The following OPCML variants were observed in gnomAD, a reference collection of about 807,000 sequenced individuals.
OPCML encodes the protein opioid binding protein/cell adhesion molecule like, also known as opioid-binding protein/cell adhesion molecule.
In OPCML, 13 loss-of-function variants were observed where a neutral mutation model predicts 37.8. That is an observed-to-expected ratio of 0.34 (90% CI 0.22 to 0.55). The LOEUF is 0.55. Ranked by LOEUF, OPCML falls within the 20% of genes least tolerant of loss-of-function variation. OPCML has a pLI of 0.91. For missense variants in OPCML, 341 were observed against 435.6 expected (o/e 0.78, Z 1.93); for synonymous variants, 176 against 168.8 (o/e 1.04, Z -0.33).
At chr11:133,253,262 T>C (rs1000377419) in intron 1 of OPCML, among the ~76,000 whole-genome samples, 1 of 152,108 alleles carries the variant, frequency 6.6e-6, no homozygotes, top group Non-Finnish European at 1.5e-5. Flanking sequence ...TGATGAGTAC[T>C]CTTTTGGGGT....
chr11:132,899,319 T>C (rs1184621247), intron 2 of OPCML, among the ~76,000 whole-genome samples: 2 of 152,244 alleles, frequency 1.3e-5, no homozygotes, highest in East Asian at 1.9e-4. Flanking sequence ...GTTATAAATA[T>C]GTTAAGCAAA....
chr11:133,246,387 A>G (rs573259897), intron 1 of OPCML, among the ~76,000 whole-genome samples: 1 of 152,342 alleles, frequency 6.6e-6, no homozygotes, highest in Admixed American at 6.5e-5. Flanking sequence ...GGAAAAGCAA[A>G]GGAGAGCATG....
At chr11:133,459,549 T>C (rs1328405822) in intron 1 of OPCML, among the ~76,000 whole-genome samples, 1 of 152,002 alleles carries the variant, frequency 6.6e-6, no homozygotes, top group African/African-American at 2.4e-5. Flanking sequence ...ATGCAAATAG[T>C]AACCAAAACA....
At chr11:133,228,060 G>A (rs78104701) in intron 1 of OPCML, among the ~76,000 whole-genome samples, 1 of 152,142 alleles carries the variant, frequency 6.6e-6, no homozygotes, top group East Asian at 1.9e-4. Flanking sequence ...CATCTTTATT[G>A]GGAGACCTTT....
intron 2 of OPCML, among the ~76,000 whole-genome samples, chr11:132,663,279 A>C (rs1380921920): frequency 6.6e-6 from 1 of 152,204 alleles, no homozygotes; most frequent in African/African-American, 2.4e-5. Flanking sequence ...TAGTGATAAA[A>C]GGTGTAAGAC....
intron 1 of OPCML, among the ~76,000 whole-genome samples, chr11:133,155,309 A>G (rs1398664689): frequency 6.6e-6 from 1 of 152,052 alleles, no homozygotes; most frequent in Non-Finnish European, 1.5e-5. Context: ...CATTCCGTCT[A>G]TCATCTGCCT....
intron 1 of OPCML, among the ~76,000 whole-genome samples, chr11:133,184,739 T>G (rs1026314904): frequency 6.6e-6 from 1 of 152,224 alleles, no homozygotes; most frequent in Non-Finnish European, 1.5e-5. Context: ...ACATATTGAC[T>G]GCAGTTATTA....
intron 4 of OPCML, among the ~76,000 whole-genome samples, chr11:132,517,505 C>T (rs767760640): frequency 1.3e-5 from 2 of 152,124 alleles, no homozygotes; most frequent in African/African-American, 4.8e-5. Context: ...TAGTATGGAA[C>T]CAGGCTGCTT....
intron 1 of OPCML, among the ~76,000 whole-genome samples, chr11:133,116,245 G>T (rs1472121656): frequency 6.6e-6 from 1 of 152,168 alleles, no homozygotes; most frequent in Non-Finnish European, 1.5e-5. Context: ...GAGATTACAG[G>T]TGTGAGCCAC....
intron 1 of OPCML, among the ~76,000 whole-genome samples, chr11:133,163,590 A>G (rs941351000): frequency 2.0e-5 from 3 of 152,232 alleles, no homozygotes; most frequent in Non-Finnish European, 2.9e-5. Flanking sequence ...ATCTCAGTAT[A>G]TGGTGTATAC....
intron 2 of OPCML, among the ~76,000 whole-genome samples, chr11:132,701,904 C>T (rs371534199): frequency 5.4e-4 from 82 of 151,796 alleles, no homozygotes; most frequent in East Asian, 1.9e-3. Context: ...TAGTTATAAC[C>T]GTCTACTTTA....
chr11:132,501,642 T>C (rs1388781973), intron 4 of OPCML, among the ~76,000 whole-genome samples: 1 of 152,236 alleles, frequency 6.6e-6, no homozygotes, highest in Non-Finnish European at 1.5e-5. Context: ...AATAGTCATA[T>C]GGTTGCACTA....
chr11:132,428,828 T>C (rs1175407318), intron 7 of OPCML, among the ~76,000 whole-genome samples: 2 of 152,206 alleles, frequency 1.3e-5, no homozygotes, highest in Non-Finnish European at 2.9e-5. Context: ...TTCTTATGTG[T>C]CTAAAGCCAT....
At chr11:132,706,261 C>T (rs1944032343) in intron 2 of OPCML, among the ~76,000 whole-genome samples, 1 of 152,088 alleles carries the variant, frequency 6.6e-6, no homozygotes, top group African/African-American at 2.4e-5. Flanking sequence ...TTACTATATG[C>T]AATTAAAAGG....
chr11:133,078,941 A>AAAAT (rs1359881088), intron 1 of OPCML, among the ~76,000 whole-genome samples: 2 of 152,158 alleles, frequency 1.3e-5, no homozygotes, highest in Non-Finnish European at 2.9e-5. Context: ...GACAGATTTT[A>AAAAT]GAGACTTCCG....
intron 4 of OPCML, among the ~76,000 whole-genome samples, chr11:132,466,161 G>C (rs1369984106): frequency 6.6e-6 from 1 of 152,118 alleles, no homozygotes; most frequent in Non-Finnish European, 1.5e-5. Context: ...GGCTCCATGG[G>C]AGCAAGTCTG....
At chr11:132,854,082 A>G (rs971607777) in intron 2 of OPCML, among the ~76,000 whole-genome samples, 2 of 152,254 alleles carry the variant, frequency 1.3e-5, no homozygotes, top group African/African-American at 4.8e-5. Context: ...ACAAACAACT[A>G]TAAATAGGGA....
intron 4 of OPCML, among the ~76,000 whole-genome samples, chr11:132,452,679 T>C (rs1655923131): frequency 6.6e-6 from 1 of 152,074 alleles, no homozygotes; most frequent in African/African-American, 2.4e-5. Context: ...ACTTCCTTTG[T>C]TCCTTCACTC....
intron 2 of OPCML, among the ~76,000 whole-genome samples, chr11:132,806,962 A>G (rs1291457339): frequency 6.6e-6 from 1 of 152,222 alleles, no homozygotes; most frequent in Non-Finnish European, 1.5e-5. Context: ...GTCACAAAAA[A>G]TGCAAATATT....
Sources: gnomAD v4.1 joint callset for allele counts (sites outside exome capture counted in the v4.1 genomes callset) on GRCh38, gnomAD v4.1.1 for gene constraint, MANE v1.5 for transcripts, NCBI Gene and HGNC (gene_info 2026-07-23, HGNC 2026-07-21) for gene names.